MON2: variants seen among roughly 807,000 people sequenced by gnomAD.
MON2 encodes the protein protein MON2 homolog.
MON2 carries 84 observed loss-of-function variants against 208.6 expected under a neutral mutation model. That is an observed-to-expected ratio of 0.40 (90% CI 0.34 to 0.48). The LOEUF (loss-of-function observed/expected upper bound fraction) is 0.48, where lower values mean the gene tolerates loss of function less well. Among genes scored for constraint, MON2 ranks in the 20% least tolerant of loss-of-function variants. MON2 has a pLI of 0.59. For missense variants in MON2, 1,611 were observed against 2,015.4 expected (o/e 0.80, Z 3.84); for synonymous variants, 660 against 694.0 (o/e 0.95, Z 0.77).
intron 29 of MON2, among the ~76,000 whole-genome samples, chr12:62,566,900 T>TA (rs1592418198): frequency 6.6e-6 from 1 of 152,306 alleles, no homozygotes; most frequent in East Asian, 1.9e-4. Context: ...AAAAATTTGT[T>TA]ACAGTTCTTA....
intron 1 of MON2, among the ~76,000 whole-genome samples, chr12:62,470,026 C>T (rs1162344655): frequency 6.6e-6 from 1 of 151,714 alleles, no homozygotes; most frequent in African/African-American, 2.4e-5. Flanking sequence ...CACCTCAACC[C>T]CCTGAGTAGC....
chr12:62,560,489 A>G lies in MON2; in HGVS notation c.3410-2A>G. On this transcript the variant is annotated splice_acceptor_variant, in intron 25 of 34. Coordinates refer to ENST00000393630, the MANE Select transcript of MON2 (RefSeq NM_015026.3). LOFTEE classifies it high-confidence loss of function. ...TAGTTTTTTTTTCTCTTCCTAATAT[A>G]GGAGATTTTTCAAGAGCTTGGGATG... The G allele has an allele frequency of 1.3e-6, 2 of 1,592,336 alleles. No individual in the cohort carries two copies. Among genetic ancestry groups the G allele is most frequent in the Non-Finnish European group, 8.5e-7 (1 of 1,173,746 alleles).
At chr12:62,578,355 A>AT (rs2074868260) in intron 30 of MON2, 90 bp from the exon 31 acceptor site, 1 of 847,696 alleles carries the variant, frequency 1.2e-6, no homozygotes, top group Non-Finnish European at 1.8e-6. Context: ...GGAAGACATA[A>AT]TTTTTTGACA....
intron 19 of MON2, 87 bp downstream of exon 19, chr12:62,538,592 GAACT>G: frequency 1.1e-6 from 1 of 877,140 alleles, no homozygotes; most frequent in East Asian, 2.5e-5. Context: ...TTTACTAGTA[GAACT>G]AACACTCAGA....
intron 21 of MON2, 89 bp downstream of exon 21, chr12:62,545,097 T>C: frequency 2.6e-6 from 2 of 764,104 alleles, no homozygotes; most frequent in Non-Finnish European, 4.1e-6. Flanking sequence ...GTAGATCATA[T>C]TCTAAGAGTA....
intron 33 of MON2, chr12:62,585,723 T>C: frequency 2.6e-6 from 1 of 380,864 alleles, no homozygotes; most frequent in East Asian, 3.9e-5. Flanking sequence ...ATGGAGATTA[T>C]GTAACATATG....
Position 62,588,101 on chromosome 12 carries a change from T to A in MON2, c.4935T>A (p.Val1645=), listed in dbSNP as rs1280446322. Residue 1645 remains valine, a synonymous_variant, in exon 34 of 35, where the codon GTT becomes GTA. Coordinates refer to ENST00000393630, the MANE Select transcript of MON2 (RefSeq NM_015026.3). ...AACAAGTAACAGAAATTATATTTGTTTTAAAAGCAGTCAGTACTCTTATTG... is the reference window on the plus strand; with the variant it reads ...AACAAGTAACAGAAATTATATTTGTATTAAAAGCAGTCAGTACTCTTATTG... ...PRQQVTEIIF[V]LKAVSTLIDS... is the part of the protein sequence containing the mutation. The A allele has an allele frequency of 6.3e-7, 1 of 1,581,316 alleles. No individual in the cohort carries two copies. The highest frequency in any genetic ancestry group is 8.7e-7 in the Non-Finnish European group (1 of 1,152,368).
intron 21 of MON2, among the ~76,000 whole-genome samples, chr12:62,545,427 T>C (rs1171920220): frequency 1.2e-4 from 19 of 152,132 alleles, no homozygotes; most frequent in Admixed American, 1.2e-3. Flanking sequence ...AAAATAATTT[T>C]AAATTATGTT....
intron 32 of MON2, among the ~76,000 whole-genome samples, chr12:62,581,005 G>C (rs766868438): frequency 6.6e-6 from 1 of 152,256 alleles, no homozygotes; most frequent in Non-Finnish European, 1.5e-5. Context: ...TACTATGCTA[G>C]AATGTTATAT....
intron 25 of MON2, among the ~76,000 whole-genome samples, chr12:62,557,013 AT>A (rs1212596792): frequency 2.0e-5 from 3 of 151,928 alleles, no homozygotes; most frequent in Admixed American, 1.3e-4. Flanking sequence ...TGAGCCTGGG[AT>A]GTGGAGGTTG....
At chr12:62,474,409 C>T (rs924428099) in intron 1 of MON2, among the ~76,000 whole-genome samples, 3 of 151,702 alleles carry the variant, frequency 2.0e-5, no homozygotes, top group African/African-American at 7.3e-5. Context: ...TGAGCCACTG[C>T]GCCTGGCCTC....
intron 11 of MON2, among the ~76,000 whole-genome samples, chr12:62,531,620 C>T (rs2072647823): frequency 2.0e-5 from 3 of 152,208 alleles, no homozygotes; most frequent in South Asian, 2.1e-4. Flanking sequence ...AAAAATTGCT[C>T]CGCAGTTTGA....
chr12:62,518,475 AAC>A (rs1272870045), intron 8 of MON2, among the ~76,000 whole-genome samples: 1 of 152,150 alleles, frequency 6.6e-6, no homozygotes, highest in Non-Finnish European at 1.5e-5. Context: ...TAGGCTCCAT[AAC>A]ACACTTTTAA....
intron 1 of MON2, among the ~76,000 whole-genome samples, chr12:62,481,025 C>G (rs1029639828): frequency 1.2e-4 from 19 of 152,270 alleles, no homozygotes; most frequent in African/African-American, 4.6e-4. Context: ...TTACAAAATA[C>G]ACATAATAAT....
chr12:62,481,398 T>G (rs951182370), intron 1 of MON2, among the ~76,000 whole-genome samples: 1 of 151,030 alleles, frequency 6.6e-6, no homozygotes, highest in Admixed American at 6.6e-5. Flanking sequence ...TGGTGGCGGG[T>G]GCCTGTAGTC....
chr12:62,576,763 A>G (rs961758250), intron 30 of MON2, among the ~76,000 whole-genome samples: 3 of 151,766 alleles, frequency 2.0e-5, no homozygotes, highest in African/African-American at 7.2e-5. Context: ...AAATTAAATA[A>G]CTATTAGTTA....
chr12:62,474,646 A>C (rs1252335310), intron 1 of MON2, among the ~76,000 whole-genome samples: 1 of 150,926 alleles, frequency 6.6e-6, no homozygotes, highest in Non-Finnish European at 1.5e-5. Flanking sequence ...CTGGTCTCAA[A>C]CTCCCGACCT....
intron 34 of MON2, among the ~76,000 whole-genome samples, chr12:62,588,551 T>G (rs1309791025): frequency 6.6e-6 from 1 of 152,206 alleles, no homozygotes; most frequent in African/African-American, 2.4e-5. Context: ...TTGAATCATT[T>G]TTACCATTCT....
chr12:62,584,561 G>T (rs1397703327), intron 32 of MON2, among the ~76,000 whole-genome samples: 3 of 151,988 alleles, frequency 2.0e-5, no homozygotes, highest in African/African-American at 7.3e-5. Flanking sequence ...AAATTAGCTG[G>T]GTGTGGTGGC....
Sources: gnomAD v4.1 joint callset for allele counts (sites outside exome capture counted in the v4.1 genomes callset) on GRCh38, gnomAD v4.1.1 for gene constraint, MANE v1.5 for transcripts, NCBI Gene and HGNC (gene_info 2026-07-23, HGNC 2026-07-21) for gene names.